Variants in HORMAD1 observed in about 807,000 individuals in gnomAD.
The protein encoded by HORMAD1 is HORMA domain containing 1.
Under a neutral mutation model 58.2 loss-of-function variants are expected in HORMAD1, and 33 were observed. The ratio of observed to expected loss-of-function variants is 0.57; its 90% CI spans 0.43 to 0.76. HORMAD1 has a LOEUF of 0.76. Ranked by LOEUF, HORMAD1 falls within the 30% of genes least tolerant of loss-of-function variation. HORMAD1 has a pLI of 0.00. For missense variants in HORMAD1, 363 were observed against 462.0 expected (o/e 0.79, Z 1.96); for synonymous variants, 137 against 144.6 (o/e 0.95, Z 0.38).
intron 2 of HORMAD1, among the ~76,000 whole-genome samples, chr1:150,717,972 A>T (rs1258528911): frequency 6.6e-6 from 1 of 152,212 alleles, no homozygotes; most frequent in African/African-American, 2.4e-5. Context: ...ATCATTATAT[A>T]ATTCTTCAGA....
Position 150,712,141 on chromosome 1 carries a change from AT to A in HORMAD1, c.280-289del, listed in dbSNP as rs59293089. On this transcript the variant is annotated intron_variant, in intron 5 of 14. Coordinates refer to ENST00000361824, the MANE Select transcript of HORMAD1 (RefSeq NM_032132.5). Reference sequence around the variant, plus strand: ...CATTACTGCCAGTTACAAGGAAAAAATATATATATTGTGAAATAACACAATA... The same window carrying A: ...CATTACTGCCAGTTACAAGGAAAAAAATATATATTGTGAAATAACACAATA... 3.8e-3 allele frequency among the ~76,000 whole-genome samples: 580 copies of A among 152,312 alleles called. 3 individuals are homozygous for A. Among genetic ancestry groups the A allele is most frequent in the African/African-American group, 0.013 (552 of 41,572 alleles).
intron 5 of HORMAD1, among the ~76,000 whole-genome samples, chr1:150,713,295 C>T (rs948578600): frequency 6.6e-6 from 1 of 152,160 alleles, no homozygotes; most frequent in Non-Finnish European, 1.5e-5. Context: ...TTACAAGGGA[C>T]CTTTTTTGTT....
rs587610766 is a variant in HORMAD1 at position 150,717,340 on chromosome 1, C to T, written c.34-58G>A. ...TAAATTTATTAAAAATAAAGTTTCTCTTGACTTAACATATATCCAATTTTG... is the reference window on the plus strand; with the variant it reads ...TAAATTTATTAAAAATAAAGTTTCTTTTGACTTAACATATATCCAATTTTG... On this transcript the variant is annotated intron_variant, in intron 2 of 14. Coordinates refer to ENST00000361824, the MANE Select transcript of HORMAD1 (RefSeq NM_032132.5). 6.7e-5 allele frequency: 77 copies of T among 1,141,436 alleles called. No individual in the cohort carries two copies. The South Asian group carries it at 1.4e-3, about 21-fold the overall frequency. The allele number at this position is 1,141,436 out of a possible 1,614,324, so 70.7% of individuals were successfully genotyped here. A position where few individuals can be genotyped will look rare whatever the true frequency, so the allele number is the denominator to read the frequency against.
intron 3 of HORMAD1, among the ~76,000 whole-genome samples, 192 bp downstream of exon 3, chr1:150,716,946 C>T (rs1652098671): frequency 7.3e-6 from 1 of 136,382 alleles, no homozygotes; most frequent in Admixed American, 7.4e-5. Flanking sequence ...CCGGGCGAGA[C>T]CCCGTCTCAA....
intron 3 of HORMAD1, among the ~76,000 whole-genome samples, 179 bp downstream of exon 3, chr1:150,716,954 CAAAAA>C (rs61024265): frequency 1.1e-5 from 1 of 90,884 alleles, no homozygotes; most frequent in Non-Finnish European, 2.2e-5. Context: ...GACCCCGTCT[CAAAAA>C]AAAAAAAAAA....
intron 1 of HORMAD1, among the ~76,000 whole-genome samples, chr1:150,720,065 C>CACCACAGCCAGCAT (rs58677366): frequency 1.3e-4 from 19 of 150,012 alleles, no homozygotes; most frequent in Admixed American, 2.0e-4. Context: ...AGGTGCCCAC[C>CACCACAGCCAGCAT]ATATATATAT....
intron 13 of HORMAD1, among the ~76,000 whole-genome samples, chr1:150,700,959 T>G (rs1016927499): frequency 2.6e-5 from 4 of 152,164 alleles, no homozygotes; most frequent in Admixed American, 6.6e-5. Flanking sequence ...TGATTAGGTG[T>G]CATACAACTA....
Position 150,704,198 on chromosome 1 carries a change from T to TAAA in HORMAD1, c.872-7_872-5dup, listed in dbSNP as rs367543855. ...TCCTCACAAACTAAACTTGGTTCTG[T>TAAA]AAAAAAAAAAAAAAAAAGTTACCCG... is the stretch of plus-strand genomic sequence containing the variant. On this transcript the variant is annotated splice_polypyrimidine_tract_variant and splice_region_variant and intron_variant, in intron 11 of 14. Transcript: ENST00000361824. 4.3e-5 allele frequency: 61 copies of TAAA among 1,427,006 alleles called. No homozygotes were observed. Among genetic ancestry groups the TAAA allele is most frequent in the Middle Eastern group, 1.9e-4 (1 of 5,322 alleles). The allele number at this position is 1,427,006 out of a possible 1,614,324, so 88.4% of individuals were successfully genotyped here.
At chr1:150,705,324 G>A (rs775445437) in intron 10 of HORMAD1, among the ~76,000 whole-genome samples, 1 of 151,934 alleles carries the variant, frequency 6.6e-6, no homozygotes, top group Admixed American at 6.6e-5. Context: ...TCAAGAGTCC[G>A]AGACTAGCCT....
intron 8 of HORMAD1, among the ~76,000 whole-genome samples, 175 bp from the exon 9 acceptor site, chr1:150,708,582 GAAAT>G (rs1484771462): frequency 2.0e-5 from 3 of 152,210 alleles, no homozygotes; most frequent in Non-Finnish European, 4.4e-5. Context: ...ATATCTGCTA[GAAAT>G]AATAACTTAA....
intron 12 of HORMAD1, among the ~76,000 whole-genome samples, chr1:150,703,866 A>G (rs1455008349): frequency 6.6e-6 from 1 of 152,220 alleles, no homozygotes; most frequent in African/African-American, 2.4e-5. Context: ...ATAACTGCAT[A>G]AGATTCTATC....
At chr1:150,713,535 C>A (rs77663766) in intron 5 of HORMAD1, among the ~76,000 whole-genome samples, 5,859 of 143,086 alleles carry the variant, frequency 0.041, 169 homozygotes, top group Non-Finnish European at 0.058. Flanking sequence ...GACTCCATCT[C>A]AAAAAAAAAA....
chr1:150,699,955 T>C (rs1474646115), intron 14 of HORMAD1, among the ~76,000 whole-genome samples, 157 bp downstream of exon 14: 4 of 152,160 alleles, frequency 2.6e-5, no homozygotes, highest in Non-Finnish European at 4.4e-5. Context: ...CAAAATCACC[T>C]CGATTTTTAG....
intron 3 of HORMAD1, among the ~76,000 whole-genome samples, chr1:150,715,458 T>C (rs2101884212): frequency 6.6e-6 from 1 of 152,288 alleles, no homozygotes; most frequent in Middle Eastern, 3.4e-3. Context: ...GACTGCTACA[T>C]GAATTAACAA....
At chr1:150,718,679 C>T (rs1652162911) in intron 2 of HORMAD1, among the ~76,000 whole-genome samples, 1 of 152,190 alleles carries the variant, frequency 6.6e-6, no homozygotes, top group South Asian at 2.1e-4. Context: ...GGCTGGAGTG[C>T]AGTGGTGTGA....
intron 10 of HORMAD1, among the ~76,000 whole-genome samples, chr1:150,705,881 A>T (rs1651677658): frequency 6.6e-6 from 1 of 152,254 alleles, no homozygotes; most frequent in African/African-American, 2.4e-5. Context: ...ATTGAGACAC[A>T]GAATACAAGA....
rs587733947 is a variant in HORMAD1 at position 150,705,479 on chromosome 1, C to T, written c.804+1074G>A. Among the ~76,000 whole-genome samples, 10 of 151,340 alleles carry T rather than the reference C, an allele frequency of 6.6e-5. No individual in the cohort carries two copies. In the South Asian group the frequency reaches 1.7e-3, roughly 25 times the overall value. On this transcript the variant is annotated intron_variant, in intron 10 of 14. Coordinates refer to ENST00000361824, the MANE Select transcript of HORMAD1 (RefSeq NM_032132.5). Reference sequence around the variant, plus strand: ...GGAGGAGGTTGCTGTGAGCTGAGATCGTGCCATTGCACTCCAGCCTGGGCA... The same window carrying T: ...GGAGGAGGTTGCTGTGAGCTGAGATTGTGCCATTGCACTCCAGCCTGGGCA...
intron 5 of HORMAD1, chr1:150,713,861 G>A (rs1331066006): frequency 2.0e-6 from 1 of 512,184 alleles, no homozygotes; most frequent in Admixed American, 4.0e-5. Context: ...ACAAATAAGT[G>A]TTAAAAAAAC....
chr1:150,704,024 C>T, intron 12 of HORMAD1, 94 bp downstream of exon 12: 1 of 750,972 alleles, frequency 1.3e-6, no homozygotes, highest in Non-Finnish European at 2.1e-6. Context: ...TTCTAAAAGA[C>T]CTGGAATAAG....
Sources: allele counts gnomAD v4.1 joint callset (sites outside exome capture counted in the v4.1 genomes callset), GRCh38; gene constraint gnomAD v4.1.1; transcripts MANE v1.5; gene names NCBI Gene and HGNC (gene_info 2026-07-23, HGNC 2026-07-21).